Variants in CHLSN observed in about 807,000 individuals in gnomAD.
CHLSN encodes protein cholesin.
chr7:1,057,572 C>T, the CHLSN span: 20 of 772,922 alleles, frequency 2.6e-5, no homozygotes, highest in Admixed American at 2.9e-4. Flanking sequence ...TGCCTGCCTG[C>T]CAGGACCTGC....
At chr7:1,031,978 T>A in the CHLSN span, among the ~76,000 whole-genome samples, 1 of 152,078 alleles carries the variant, frequency 6.6e-6, no homozygotes, top group Non-Finnish European at 1.5e-5. Context: ...CACCAAACCT[T>A]CCCCAGGTAA....
chr7:1,003,971 G>A, the CHLSN span, among the ~76,000 whole-genome samples: 1 of 147,764 alleles, frequency 6.8e-6, no homozygotes, highest in South Asian at 2.2e-4. Flanking sequence ...AGTCCTGTGG[G>A]TGAGTGGAGT....
At chr7:986,879 C>G in the CHLSN span, 1 of 1,404,780 alleles carries the variant, frequency 7.1e-7, no homozygotes, top group Non-Finnish European at 9.4e-7. Flanking sequence ...GGGAGGGGTC[C>G]ATACCGGTCC....
At chr7:1,061,430 A>C in the CHLSN span, among the ~76,000 whole-genome samples, 1 of 151,334 alleles carries the variant, frequency 6.6e-6, no homozygotes, top group Non-Finnish European at 1.5e-5. Flanking sequence ...TCCCCTCCTC[A>C]TCCCCAGGTT....
chr7:1,019,193 CAA>C, the CHLSN span, among the ~76,000 whole-genome samples: 2,262 of 34,848 alleles, frequency 0.065, 38 homozygotes, highest in Middle Eastern at 0.16. Context: ...GACTCTGTCT[CAA>C]AAAAAAAAAA....
the CHLSN span, among the ~76,000 whole-genome samples, chr7:1,059,692 C>A: frequency 1.5e-4 from 1 of 6,806 alleles, no homozygotes; most frequent in East Asian, 2.8e-3. Flanking sequence ...CGTAGTGGGG[C>A]GGGTCTGTAG....
At chr7:1,016,735 AC>A in the CHLSN span, among the ~76,000 whole-genome samples, 4 of 123,814 alleles carry the variant, frequency 3.2e-5, no homozygotes, top group East Asian at 2.4e-4. Flanking sequence ...ACAGCAGCAC[AC>A]GCCAGCGCAC....
the CHLSN span, among the ~76,000 whole-genome samples, chr7:1,041,219 C>A: frequency 6.9e-6 from 1 of 145,970 alleles, no homozygotes; most frequent in African/African-American, 2.5e-5. Context: ...GGGAACGGGA[C>A]CTGGGCTCCG....
At chr7:1,083,643 A>C in the CHLSN span, among the ~76,000 whole-genome samples, 1 of 148,388 alleles carries the variant, frequency 6.7e-6, no homozygotes, top group African/African-American at 2.6e-5. Flanking sequence ...AAAAACAAAA[A>C]AAACAAAAAA....
At chr7:1,028,126 G>GC in the CHLSN span, 1 of 546,726 alleles carries the variant, frequency 1.8e-6, no homozygotes, top group Non-Finnish European at 2.3e-6. Context: ...GCGGAGCGGG[G>GC]CCCGCAGCAG....
At chr7:1,108,400 C>CA in the CHLSN span, among the ~76,000 whole-genome samples, 143 of 149,118 alleles carry the variant, frequency 9.6e-4, 3 homozygotes, top group African/African-American at 3.5e-3. Context: ...CCGCGCTCTG[C>CA]GGGGAAGCAG....
chr7:1,092,595 T>C, the CHLSN span: 2 of 1,611,490 alleles, frequency 1.2e-6, no homozygotes, highest in Non-Finnish European at 8.5e-7. Context: ...GGACGCAGCC[T>C]GGGGCCGCTC....
the CHLSN span, among the ~76,000 whole-genome samples, chr7:1,105,219 G>A: frequency 4.6e-5 from 7 of 152,176 alleles, no homozygotes; most frequent in South Asian, 4.1e-4. Flanking sequence ...AATACCAAAC[G>A]TATACTGTGA....
At chr7:1,028,355 G>A in the CHLSN span, 1 of 1,010,168 alleles carries the variant, frequency 9.9e-7, no homozygotes, top group Non-Finnish European at 1.2e-6. Flanking sequence ...AGCAGCCTCA[G>A]CGCCTCCACA....
the CHLSN span, chr7:983,163 G>A: frequency 5.6e-6 from 8 of 1,427,628 alleles, no homozygotes; most frequent in Non-Finnish European, 7.4e-6. Flanking sequence ...TAAGGGTGCG[G>A]GGGGGACGGG....
At chr7:1,013,155 G>C in the CHLSN span, among the ~76,000 whole-genome samples, 1 of 152,238 alleles carries the variant, frequency 6.6e-6, no homozygotes, top group Admixed American at 6.5e-5. Flanking sequence ...GAGAGCACAG[G>C]TGAGCAAGGT....
the CHLSN span, among the ~76,000 whole-genome samples, chr7:1,126,323 G>GCA: frequency 0.02 from 2,576 of 126,994 alleles, 74 homozygotes; most frequent in African/African-American, 0.074. Flanking sequence ...TGGCGCCACT[G>GCA]CACTCCAGCC....
the CHLSN span, among the ~76,000 whole-genome samples, chr7:1,053,315 G>A: frequency 9.2e-5 from 14 of 152,392 alleles, no homozygotes; most frequent in African/African-American, 3.4e-4. Context: ...GACGGCGGGG[G>A]AGGGGCGTCC....
chr7:1,036,914 G>C, the CHLSN span, among the ~76,000 whole-genome samples: 42,463 of 147,088 alleles, frequency 0.29, 9,001 homozygotes, highest in African/African-American at 0.39. Flanking sequence ...GATGGAGACC[G>C]GCCGGGGCAG....
Sources: allele counts gnomAD v4.1 joint callset (sites outside exome capture counted in the v4.1 genomes callset), GRCh38; gene constraint gnomAD v4.1.1; transcripts MANE v1.5; gene names NCBI Gene and HGNC (gene_info 2026-07-23, HGNC 2026-07-21).